The following RAB27A variants were observed in gnomAD, a reference collection of about 807,000 sequenced individuals.
RAB27A encodes the protein ras-related protein Rab-27A.
Under a neutral mutation model 20.8 loss-of-function variants are expected in RAB27A, and 17 were observed. The ratio of observed to expected loss-of-function variants is 0.82; its 90% CI spans 0.56 to 1.23. RAB27A has a LOEUF of 1.23. Ranked by LOEUF, RAB27A falls within the 50% of genes most tolerant of loss-of-function variation. The probability of loss-of-function intolerance (pLI) is 0.00; values close to 1 mark genes in which losing one functional copy is unlikely to be tolerated. For synonymous variants in RAB27A, 85 were observed against 92.8 expected (o/e 0.92, Z 0.48); for missense variants, 277 against 266.7 (o/e 1.04, Z -0.27).
intron 2 of RAB27A, among the ~76,000 whole-genome samples, chr15:55,301,958 A>C (rs1223927788): frequency 6.6e-6 from 1 of 151,884 alleles, no homozygotes; most frequent in African/African-American, 2.4e-5. Flanking sequence ...TCACCCTAAA[A>C]ATAATCCCCA....
intron 2 of RAB27A, among the ~76,000 whole-genome samples, chr15:55,310,040 A>G (rs2055013600): frequency 6.6e-6 from 1 of 152,006 alleles, no homozygotes; most frequent in Non-Finnish European, 1.5e-5. Context: ...GGGACAACAA[A>G]CGGGTGTTCC....
At chr15:55,229,646 C>G (rs1425681142) in intron 4 of RAB27A, among the ~76,000 whole-genome samples, 1 of 150,148 alleles carries the variant, frequency 6.7e-6, no homozygotes, top group Admixed American at 6.7e-5. Flanking sequence ...GCCTGGGCAA[C>G]AAGAATGAAA....
intron 2 of RAB27A, among the ~76,000 whole-genome samples, 189 bp from the exon 3 acceptor site, chr15:55,235,145 C>T (rs1896203608): frequency 6.6e-6 from 1 of 152,098 alleles, no homozygotes; most frequent in South Asian, 2.1e-4. Flanking sequence ...AGATGAGAAG[C>T]TATTGAAATA....
intron 2 of RAB27A, among the ~76,000 whole-genome samples, chr15:55,243,576 G>A (rs2414405): frequency 0.086 from 12,880 of 150,298 alleles, 1,877 homozygotes; most frequent in African/African-American, 0.3. Flanking sequence ...GAATAACATC[G>A]AGATCACACC....
intron 1 of RAB27A, among the ~76,000 whole-genome samples, chr15:55,316,585 T>TA (rs111709943): frequency 0.093 from 13,151 of 142,158 alleles, 644 homozygotes; most frequent in Non-Finnish European, 0.12. Context: ...TCCCAGAACT[T>TA]AAAAAAAAAA....
chr15:55,285,859 A>ATAGG (rs1009388842), intron 1 of RAB27A, among the ~76,000 whole-genome samples: 4 of 152,224 alleles, frequency 2.6e-5, no homozygotes, highest in Non-Finnish European at 4.4e-5. Context: ...CACCCTGGAG[A>ATAGG]TAGGCACTGA....
intron 2 of RAB27A, among the ~76,000 whole-genome samples, chr15:55,254,241 T>C (rs1320454792): frequency 2.0e-5 from 3 of 152,164 alleles, no homozygotes; most frequent in Non-Finnish European, 4.4e-5. Flanking sequence ...AGAAATATTA[T>C]AATGACATTC....
intron 6 of RAB27A, among the ~76,000 whole-genome samples, chr15:55,215,721 G>T (rs909261761): frequency 6.6e-6 from 1 of 150,580 alleles, no homozygotes; most frequent in African/African-American, 2.5e-5. Context: ...CAGCACTTTG[G>T]GAGGCTGAGA....
At chr15:55,310,278 A>G (rs1349022950) in intron 2 of RAB27A, among the ~76,000 whole-genome samples, 1 of 152,140 alleles carries the variant, frequency 6.6e-6, no homozygotes, top group East Asian at 1.9e-4. Context: ...AAGACTGAGA[A>G]GGCCACGCCA....
At chr15:55,280,125 A>G (rs1897976023) in intron 1 of RAB27A, among the ~76,000 whole-genome samples, 1 of 152,202 alleles carries the variant, frequency 6.6e-6, no homozygotes, top group Non-Finnish European at 1.5e-5. Flanking sequence ...GTTTGACACT[A>G]GACTGGTTAG....
chr15:55,317,601 C>T, intron 1 of RAB27A: 1 of 396,344 alleles, frequency 2.5e-6, no homozygotes, highest in Non-Finnish European at 4.5e-6. Context: ...GCGTGAGCCA[C>T]TGCGCCAGGC....
chr15:55,306,785 G>T (rs938532896), intron 2 of RAB27A, among the ~76,000 whole-genome samples: 1 of 152,190 alleles, frequency 6.6e-6, no homozygotes, highest in Admixed American at 6.5e-5. Flanking sequence ...CGCTTGGTAA[G>T]GGGAGCTACT....
At chr15:55,240,741 G>C (rs1369464276) in intron 2 of RAB27A, among the ~76,000 whole-genome samples, 1 of 152,156 alleles carries the variant, frequency 6.6e-6, no homozygotes, top group Non-Finnish European at 1.5e-5. Flanking sequence ...AACAGGAAGA[G>C]ATTCTATTTT....
intron 2 of RAB27A, among the ~76,000 whole-genome samples, chr15:55,305,173 G>C (rs1295376498): frequency 2.6e-5 from 4 of 152,162 alleles, no homozygotes; most frequent in Admixed American, 1.3e-4. Flanking sequence ...GGGATGCTTA[G>C]TCAGCCTAGG....
At chr15:55,224,149 T>C in intron 5 of RAB27A, 137 bp from the exon 6 acceptor site, 1 of 674,346 alleles carries the variant, frequency 1.5e-6, no homozygotes, top group Non-Finnish European at 2.5e-6. Context: ...TTTCAAAGCA[T>C]CAGTAATCTT....
intron 2 of RAB27A, among the ~76,000 whole-genome samples, chr15:55,257,140 G>A (rs1350739584): frequency 6.6e-6 from 1 of 152,216 alleles, no homozygotes; most frequent in East Asian, 1.9e-4. Context: ...GACATTTGAA[G>A]TGGGGAAGGG....
At chr15:55,228,796 T>C in intron 4 of RAB27A, 84 bp from the exon 5 acceptor site, 1 of 909,574 alleles carries the variant, frequency 1.1e-6, no homozygotes, top group Non-Finnish European at 1.8e-6. Flanking sequence ...TTCAGCCTCT[T>C]ACAAAAGTTT....
intron 1 of RAB27A, among the ~76,000 whole-genome samples, chr15:55,277,844 T>A (rs190447695): frequency 6.6e-6 from 1 of 152,204 alleles, no homozygotes. Flanking sequence ...CCCAGTTTAG[T>A]GGGGACTGAG....
chr15:55,257,361 A>AAC (rs1897118038), intron 2 of RAB27A, among the ~76,000 whole-genome samples: 1 of 152,158 alleles, frequency 6.6e-6, no homozygotes, highest in African/African-American at 2.4e-5. Flanking sequence ...AAGCTCCAAA[A>AAC]AGAGGGCCAT....
Sources: gnomAD v4.1 joint callset for allele counts (sites outside exome capture counted in the v4.1 genomes callset) on GRCh38, gnomAD v4.1.1 for gene constraint, MANE v1.5 for transcripts, NCBI Gene and HGNC (gene_info 2026-07-23, HGNC 2026-07-21) for gene names.